Variants in CHST9 observed in about 807,000 individuals in gnomAD.
CHST9 encodes carbohydrate sulfotransferase 9.
CHST9 carries 41 observed loss-of-function variants against 44.4 expected under a neutral mutation model. The observed-to-expected ratio is 0.92, with a 90% confidence interval of 0.72 to 1.20. CHST9 has a LOEUF of 1.20. Among genes scored for constraint, CHST9 ranks in the 50% most tolerant of loss-of-function variants. CHST9 has a pLI of 0.00. For missense variants in CHST9, 504 were observed against 516.5 expected (o/e 0.98, Z 0.23); for synonymous variants, 171 against 178.4 (o/e 0.96, Z 0.33).
At chr18:27,032,111 C>T (rs1370928695) in intron 3 of CHST9, among the ~76,000 whole-genome samples, 1 of 152,110 alleles carries the variant, frequency 6.6e-6, no homozygotes, top group African/African-American at 2.4e-5. Context: ...TTACACCACA[C>T]GATCTATCAA....
chr18:27,124,452 T>C (rs981467885), intron 2 of CHST9, among the ~76,000 whole-genome samples: 1 of 152,254 alleles, frequency 6.6e-6, no homozygotes, highest in Non-Finnish European at 1.5e-5. Flanking sequence ...TTCAAATGCA[T>C]ACCTGCTTTT....
chr18:26,975,547 A>T (rs2056607156), intron 4 of CHST9, among the ~76,000 whole-genome samples: 1 of 151,138 alleles, frequency 6.6e-6, no homozygotes, highest in African/African-American at 2.4e-5. Context: ...TCTATGTCTG[A>T]CTTATTTCAC....
intron 4 of CHST9, among the ~76,000 whole-genome samples, chr18:26,995,506 G>A (rs548978677): frequency 6.6e-6 from 1 of 150,530 alleles, no homozygotes; most frequent in Non-Finnish European, 1.5e-5. Context: ...TTCTAGCTAA[G>A]CTGGCTGGAT....
intron 2 of CHST9, among the ~76,000 whole-genome samples, chr18:27,106,021 T>C (rs567434888): frequency 5.9e-5 from 9 of 152,304 alleles, no homozygotes; most frequent in African/African-American, 2.2e-4. Context: ...CAGGCTATTT[T>C]ACTCACGAAA....
intron 1 of CHST9, among the ~76,000 whole-genome samples, chr18:27,160,315 A>G (rs1598768175): frequency 1.3e-5 from 2 of 152,310 alleles, no homozygotes; most frequent in African/African-American, 4.8e-5. Context: ...AGTTTTTAGC[A>G]TGAAGAGTTG....
Position 26,907,435 on chromosome 18 carries a change from G to A in CHST9, c.*8824C>T, listed in dbSNP as rs1029574566. The A allele has an allele frequency of 6.6e-6, 1 of 152,188 alleles. No individual in the cohort carries two copies. The highest frequency in any genetic ancestry group is 2.4e-5 in the African/African-American group (1 of 41,424). The allele number at this position is 152,188 out of a possible 1,614,324, so 9.4% of individuals were successfully genotyped here. A position where few individuals can be genotyped will look rare whatever the true frequency, so the allele number is the denominator to read the frequency against. The stretch of plus-strand genomic sequence containing the variant: ...ATGAAGCAGTCCCACAAGAAACTGG[G>A]AATCTGAATCAAAGTTCGTGATAGA... On this transcript the variant is annotated 3_prime_UTR_variant, in exon 6 of 6. Coordinates refer to ENST00000618847, the MANE Select transcript of CHST9 (RefSeq NM_031422.6).
At chr18:26,986,715 C>A (rs2056758575) in intron 4 of CHST9, among the ~76,000 whole-genome samples, 1 of 151,840 alleles carries the variant, frequency 6.6e-6, no homozygotes, top group African/African-American at 2.4e-5. Context: ...TACTGAAGAA[C>A]AAAATTAAAG....
At chr18:27,035,511 T>C (rs538064191) in intron 3 of CHST9, among the ~76,000 whole-genome samples, 1 of 152,226 alleles carries the variant, frequency 6.6e-6, no homozygotes, top group Admixed American at 6.5e-5. Context: ...CCATTGTTTA[T>C]GTGTGCACAT....
chr18:26,981,388 A>G (rs2056690376), intron 4 of CHST9, among the ~76,000 whole-genome samples: 2 of 152,228 alleles, frequency 1.3e-5, no homozygotes. Flanking sequence ...GTAGCCACTC[A>G]TGTCTAGGAT....
chr18:27,053,936 C>T (rs912528205), intron 2 of CHST9, among the ~76,000 whole-genome samples: 1 of 152,166 alleles, frequency 6.6e-6, no homozygotes, highest in African/African-American at 2.4e-5. Flanking sequence ...GAGTGAAGCA[C>T]CCTTCTTCTG....
At chr18:26,977,144 C>A (rs537722109) in intron 4 of CHST9, among the ~76,000 whole-genome samples, 1 of 151,916 alleles carries the variant, frequency 6.6e-6, no homozygotes, top group East Asian at 1.9e-4. Context: ...GAAAAATGTG[C>A]ATCTCTAAAG....
intron 2 of CHST9, among the ~76,000 whole-genome samples, chr18:27,127,309 G>A (rs1397529139): frequency 6.6e-6 from 1 of 152,206 alleles, no homozygotes; most frequent in East Asian, 1.9e-4. Context: ...AACTGAGAGT[G>A]CAGCCAGACA....
intron 3 of CHST9, among the ~76,000 whole-genome samples, chr18:27,036,949 TG>T (rs2143515942): frequency 6.6e-6 from 1 of 152,248 alleles, no homozygotes; most frequent in South Asian, 2.1e-4. Flanking sequence ...GCTATATTTT[TG>T]TTGGTTGAAA....
intron 2 of CHST9, among the ~76,000 whole-genome samples, chr18:27,061,374 G>A (rs2057719637): frequency 6.6e-6 from 1 of 152,174 alleles, no homozygotes; most frequent in Non-Finnish European, 1.5e-5. Flanking sequence ...AAAATCTAAA[G>A]GAAAGAGCAT....
rs2058680848 is a variant in CHST9 at position 27,154,168 on chromosome 18, G to T, written c.-96-11263C>A. On this transcript the variant is annotated intron_variant, in intron 1 of 5. Transcript: ENST00000618847. ...GAACTAAAAATAAGCTATAGTTAGG[G>T]TACAGCATTTTTTGCATGATAATCA... is the stretch of plus-strand genomic sequence containing the variant. Among the ~76,000 whole-genome samples the T allele has an allele frequency of 3.3e-5, 5 of 151,508 alleles. No individual in the cohort carries two copies. In the South Asian group the frequency reaches 1.0e-3, roughly 32 times the overall value.
intron 5 of CHST9, among the ~76,000 whole-genome samples, chr18:26,923,644 T>TG (rs1386243830): frequency 7.9e-5 from 12 of 152,208 alleles, no homozygotes; most frequent in Non-Finnish European, 1.3e-4. Context: ...ATATATGGAA[T>TG]TACTACTGTA....
At chr18:26,995,030 A>G (rs955329726) in intron 4 of CHST9, among the ~76,000 whole-genome samples, 3 of 151,942 alleles carry the variant, frequency 2.0e-5, no homozygotes, top group African/African-American at 7.3e-5. Context: ...AAGCCGGTGG[A>G]CGTGTCTTGG....
chr18:26,947,119 A>G (rs2056175690), intron 4 of CHST9, among the ~76,000 whole-genome samples: 1 of 152,088 alleles, frequency 6.6e-6, no homozygotes, highest in Non-Finnish European at 1.5e-5. Flanking sequence ...CAGTGTGGCC[A>G]TTTTCACGAT....
intron 4 of CHST9, among the ~76,000 whole-genome samples, chr18:26,948,010 A>G (rs192779936): frequency 2.0e-5 from 3 of 152,340 alleles, no homozygotes; most frequent in Non-Finnish European, 2.9e-5. Context: ...ATGCCCATCA[A>G]TGACAGACAG....
Sources: gnomAD v4.1 joint callset for allele counts (sites outside exome capture counted in the v4.1 genomes callset) on GRCh38, gnomAD v4.1.1 for gene constraint, MANE v1.5 for transcripts, NCBI Gene and HGNC (gene_info 2026-07-23, HGNC 2026-07-21) for gene names.